Variants in AGMO observed in about 807,000 individuals in gnomAD.
AGMO encodes the protein glyceryl-ether monooxygenase.
AGMO carries 75 observed loss-of-function variants against 60.2 expected under a neutral mutation model. The observed-to-expected ratio is 1.25, with a 90% CI of 1.03 to 1.51. The LOEUF (loss-of-function observed/expected upper bound fraction) is 1.51, where lower values mean the gene tolerates loss of function less well. Among genes scored for constraint, AGMO ranks in the 40% most tolerant of loss-of-function variants. The probability of loss-of-function intolerance (pLI) is 0.00; values close to 1 mark genes in which losing one functional copy is unlikely to be tolerated. For missense variants in AGMO, 763 were observed against 525.5 expected, an observed-to-expected ratio of 1.45 and a Z score of -4.42; for synonymous variants, 261 against 177.1, an observed-to-expected ratio of 1.47 and a Z score of -3.76.
At chr7:15,373,959 A>G (rs1358162460) in intron 10 of AGMO, among the ~76,000 whole-genome samples, 1 of 152,112 alleles carries the variant, frequency 6.6e-6, no homozygotes, top group African/African-American at 2.4e-5. Flanking sequence ...CTGTGAAGGC[A>G]GCAGATTGGC....
intron 3 of AGMO, among the ~76,000 whole-genome samples, chr7:15,437,569 C>G (rs1781434714): frequency 1.5e-5 from 2 of 137,210 alleles, no homozygotes; most frequent in Non-Finnish European, 1.5e-5. Flanking sequence ...GAGTCTGTCT[C>G]TGTCGCCCAG....
chr7:15,361,099 G>A lies in AGMO; in HGVS notation c.1263+4415C>T, dbSNP rs185685188. ...TGCCTTATATGAATAGGAGCCATAG[G>A]ACACTGCTAACACAGCTTAGAAGCA... On this transcript the variant is annotated intron_variant, in intron 12 of 12. Transcript: ENST00000342526. 1.6e-3 allele frequency among the ~76,000 whole-genome samples: 238 copies of A among 152,146 alleles called. 1 individual carries two copies. Among genetic ancestry groups the A allele is most frequent in the African/African-American group, 5.5e-3 (229 of 41,514 alleles).
chr7:15,184,231 G>C, the AGMO span, among the ~76,000 whole-genome samples: 5 of 144,758 alleles, frequency 3.5e-5, no homozygotes, highest in African/African-American at 1.3e-4. Context: ...AGTAAAAAAT[G>C]TAAGGAAGGA....
intron 12 of AGMO, among the ~76,000 whole-genome samples, chr7:15,339,383 T>A (rs1321812459): frequency 1.3e-5 from 2 of 152,210 alleles, no homozygotes; most frequent in African/African-American, 2.4e-5. Flanking sequence ...TAATTAACAC[T>A]GAGTTATTTG....
intron 12 of AGMO, among the ~76,000 whole-genome samples, chr7:15,356,041 T>C (rs1782518857): frequency 6.6e-6 from 1 of 152,188 alleles, no homozygotes; most frequent in African/African-American, 2.4e-5. Context: ...ACTACTTAAT[T>C]TCCCAAATGG....
intron 12 of AGMO, among the ~76,000 whole-genome samples, chr7:15,219,945 A>G (rs1440150629): frequency 1.3e-5 from 2 of 152,080 alleles, no homozygotes. Context: ...CACACCCCAG[A>G]TCTTTCCTGT....
chr7:15,509,239 G>A (rs1039878686), intron 3 of AGMO, among the ~76,000 whole-genome samples: 2 of 152,056 alleles, frequency 1.3e-5, no homozygotes, highest in Admixed American at 1.3e-4. Context: ...CAAACCAATA[G>A]AACAGAACAC....
intron 12 of AGMO, among the ~76,000 whole-genome samples, chr7:15,343,465 G>T (rs530818811): frequency 2.6e-5 from 4 of 152,260 alleles, no homozygotes; most frequent in African/African-American, 9.6e-5. Context: ...AATGAAAGGG[G>T]CTGGAGAAAC....
At chr7:15,213,854 T>A (rs1239578700) in intron 12 of AGMO, among the ~76,000 whole-genome samples, 1 of 151,990 alleles carries the variant, frequency 6.6e-6, no homozygotes, top group Non-Finnish European at 1.5e-5. Flanking sequence ...CAAAGGCAAG[T>A]ACTCAAGTAA....
At chr7:15,217,968 G>A (rs1781793034) in intron 12 of AGMO, among the ~76,000 whole-genome samples, 1 of 151,810 alleles carries the variant, frequency 6.6e-6, no homozygotes, top group South Asian at 2.1e-4. Context: ...GTGTCCTGGG[G>A]GTTTGGTGCT....
At chr7:15,547,586 C>G (rs1224312472) in intron 2 of AGMO, among the ~76,000 whole-genome samples, 1 of 152,130 alleles carries the variant, frequency 6.6e-6, no homozygotes, top group East Asian at 1.9e-4. Context: ...GTCACTCCCA[C>G]ACGAATATTG....
intron 8 of AGMO, 22 bp downstream of exon 8, chr7:15,390,649 G>C: frequency 6.7e-7 from 1 of 1,499,962 alleles, no homozygotes; most frequent in Non-Finnish European, 9.2e-7. Flanking sequence ...AATGAAGAAA[G>C]AATAAAAAAC....
chr7:15,258,953 A>G lies in AGMO; in HGVS notation c.1264-57594T>C, dbSNP rs1049056097. On this transcript the variant is annotated intron_variant, in intron 12 of 12. Transcript: ENST00000342526. ...TCCTTGAATCTCATAGTCTACCTAAATGAGAAGGAACCAGAAAAACAATTC... is the reference window on the plus strand; with the variant it reads ...TCCTTGAATCTCATAGTCTACCTAAGTGAGAAGGAACCAGAAAAACAATTC... Among the ~76,000 whole-genome samples the G allele has an allele frequency of 2.6e-5, 4 of 152,152 alleles. No homozygotes were observed. The East Asian group carries it at 7.8e-4, about 30-fold the overall frequency.
At chr7:15,225,253 C>T (rs2128497991) in intron 12 of AGMO, among the ~76,000 whole-genome samples, 1 of 151,998 alleles carries the variant, frequency 6.6e-6, no homozygotes, top group East Asian at 1.9e-4. Flanking sequence ...CAACTTTTAT[C>T]CGTTCCCCTG....
At chr7:15,403,548 TA>T (rs1308204713) in intron 5 of AGMO, among the ~76,000 whole-genome samples, 1 of 151,950 alleles carries the variant, frequency 6.6e-6, no homozygotes, top group Non-Finnish European at 1.5e-5. Context: ...TGAATATACA[TA>T]AAAATATGAT....
intron 5 of AGMO, among the ~76,000 whole-genome samples, chr7:15,395,356 T>C (rs999477224): frequency 1.3e-5 from 2 of 152,264 alleles, no homozygotes; most frequent in Non-Finnish European, 2.9e-5. Flanking sequence ...TTAAAAAAAA[T>C]TTAAGATGCA....
At chr7:15,407,428 A>C (rs1449706220) in intron 5 of AGMO, among the ~76,000 whole-genome samples, 3 of 151,610 alleles carry the variant, frequency 2.0e-5, no homozygotes, top group African/African-American at 7.3e-5. Context: ...AAGAGAGAAC[A>C]AGAAGCCAAA....
chr7:15,345,216 G>A (rs1399765176), intron 12 of AGMO, among the ~76,000 whole-genome samples: 2 of 152,120 alleles, frequency 1.3e-5, no homozygotes, highest in Non-Finnish European at 2.9e-5. Context: ...ATACCCATCA[G>A]TTTCTGATAT....
chr7:15,409,206 G>A (rs1363115908), intron 5 of AGMO, among the ~76,000 whole-genome samples: 1 of 151,940 alleles, frequency 6.6e-6, no homozygotes, highest in Non-Finnish European at 1.5e-5. Context: ...ATTTTAAGAT[G>A]GGGGAAGTAA....
Sources: allele counts gnomAD v4.1 joint callset (sites outside exome capture counted in the v4.1 genomes callset), GRCh38; gene constraint gnomAD v4.1.1; transcripts MANE v1.5; gene names NCBI Gene and HGNC (gene_info 2026-07-23, HGNC 2026-07-21).